SDK1: variants seen among roughly 807,000 people sequenced by gnomAD.
SDK1 encodes the protein protein sidekick-1.
A neutral mutation model predicts 245.5 loss-of-function variants in SDK1; 157 were observed. That is an observed-to-expected ratio of 0.64 (90% CI 0.56 to 0.73). The LOEUF is 0.73. Ranked by LOEUF, SDK1 falls within the 30% of genes least tolerant of loss-of-function variation. The pLI is 0.00. For missense variants in SDK1, 3,583 were observed against 3,002.3 expected, an observed-to-expected ratio of 1.19 and a Z score of -4.52; for synonymous variants, 1,647 against 1,278.5, an observed-to-expected ratio of 1.29 and a Z score of -6.15.
At chr7:4,130,362 C>A in intron 27 of SDK1, 1 of 479,924 alleles carries the variant, frequency 2.1e-6, no homozygotes, top group Non-Finnish European at 3.7e-6. Flanking sequence ...GGAGAGGCAG[C>A]AGAGGCTGGG....
chr7:4,057,056 C>T (rs1285295198), intron 19 of SDK1, among the ~76,000 whole-genome samples: 1 of 152,170 alleles, frequency 6.6e-6, no homozygotes, highest in African/African-American at 2.4e-5. Context: ...ACTTCGCTTC[C>T]AGGCACCCTG....
At chr7:3,397,953 T>G (rs1778766718) in intron 1 of SDK1, among the ~76,000 whole-genome samples, 1 of 152,130 alleles carries the variant, frequency 6.6e-6, no homozygotes, top group Non-Finnish European at 1.5e-5. Context: ...GATTGTGTGT[T>G]TTCTTGCCTT....
rs370758554 is a variant in SDK1 at position 3,558,170 on chromosome 7, AT to A, written c.299-60907del. The stretch of plus-strand genomic sequence containing the variant: ...ATGTTTTTAGCTTACAGAAATGACA[AT>A]TTCATATGACATTTCTTTTCATATG... On this transcript the variant is annotated intron_variant, in intron 1 of 44. Coordinates refer to ENST00000404826, the MANE Select transcript of SDK1 (RefSeq NM_152744.4). Among the ~76,000 whole-genome samples, 45 of 152,322 alleles carry A rather than the reference AT, an allele frequency of 3.0e-4. No homozygotes were observed. The East Asian group carries it at 3.1e-3, about 10-fold the overall frequency.
At chr7:3,699,403 C>CA (rs1192836192) in intron 4 of SDK1, among the ~76,000 whole-genome samples, 1 of 152,092 alleles carries the variant, frequency 6.6e-6, no homozygotes, top group African/African-American at 2.4e-5. Flanking sequence ...GAGGCCATTT[C>CA]ATCAAAGCAA....
rs1782751685 is a variant in SDK1 at position 3,974,530 on chromosome 7, C to T, written c.1979C>T (p.Ala660Val). The change falls in exon 13 of 45, where the codon GCC (alanine) becomes GTC (valine). Residue 660 changes from alanine to valine, a missense_variant. Physicochemically the swap from Ala to Val is moderately conservative, Grantham distance 64 (BLOSUM62 0). Transcript: ENST00000404826. ...GAAGGAGGGAATGACTCCAGGATGG[C>T]CCGGCTGGAAGTGATGTGAGTACTG... The part of the protein sequence containing the change: ...VSEGGNDSRM[A>V]RLEVIELPHS... 1 of 1,614,060 alleles carries T rather than the reference C, an allele frequency of 6.2e-7. No individual in the cohort carries two copies. Among genetic ancestry groups the T allele is most frequent in the South Asian group, 1.1e-5 (1 of 91,054 alleles).
chr7:3,580,778 C>A (rs1458873893), intron 1 of SDK1, among the ~76,000 whole-genome samples: 1 of 151,826 alleles, frequency 6.6e-6, no homozygotes, highest in African/African-American at 2.4e-5. Flanking sequence ...ACGATCCTGG[C>A]TAACACCGTG....
intron 5 of SDK1, among the ~76,000 whole-genome samples, chr7:3,921,630 C>T (rs1583567597): frequency 1.3e-5 from 2 of 152,044 alleles, no homozygotes; most frequent in African/African-American, 4.8e-5. Context: ...TCTAAAGGCG[C>T]CAAGAAGCTG....
chr7:4,181,616 C>T (rs531111619), intron 35 of SDK1, among the ~76,000 whole-genome samples: 28 of 152,314 alleles, frequency 1.8e-4, no homozygotes, highest in Non-Finnish European at 3.1e-4. Context: ...TCCTGCCCCA[C>T]TCCTCCTCAA....
At chr7:3,331,448 G>C (rs1334014405) in intron 1 of SDK1, among the ~76,000 whole-genome samples, 1 of 152,040 alleles carries the variant, frequency 6.6e-6, no homozygotes, top group Non-Finnish European at 1.5e-5. Context: ...TATCTTCTTT[G>C]GGGAAATACA....
At chr7:3,639,831 T>C (rs894808151) in intron 3 of SDK1, among the ~76,000 whole-genome samples, 39 of 151,154 alleles carry the variant, frequency 2.6e-4, no homozygotes, top group African/African-American at 8.8e-4. Context: ...TAATTATATG[T>C]CATATATATG....
chr7:3,625,362 A>G (rs1002142172), intron 2 of SDK1, among the ~76,000 whole-genome samples: 3 of 152,226 alleles, frequency 2.0e-5, no homozygotes, highest in African/African-American at 7.2e-5. Context: ...GTTAAAAGGT[A>G]AGCAACAAAC....
At chr7:3,417,534 C>T (rs781141346) in intron 1 of SDK1, among the ~76,000 whole-genome samples, 14 of 152,124 alleles carry the variant, frequency 9.2e-5, no homozygotes, top group East Asian at 1.9e-4. Context: ...TCTCTGACCC[C>T]GTAGGCTAGG....
At chr7:3,687,409 G>A (rs1399344879) in intron 4 of SDK1, among the ~76,000 whole-genome samples, 1 of 152,120 alleles carries the variant, frequency 6.6e-6, no homozygotes, top group Non-Finnish European at 1.5e-5. Flanking sequence ...TTACAGGCGT[G>A]AGCCACCCCG....
At chr7:4,215,311 C>T (rs954870657) in intron 38 of SDK1, among the ~76,000 whole-genome samples, 1 of 152,212 alleles carries the variant, frequency 6.6e-6, no homozygotes, top group Non-Finnish European at 1.5e-5. Flanking sequence ...GCGGAGGGGC[C>T]TATCTCTCCC....
intron 1 of SDK1, among the ~76,000 whole-genome samples, chr7:3,482,403 C>T (rs557675027): frequency 1.8e-4 from 28 of 152,162 alleles, no homozygotes; most frequent in Middle Eastern, 3.4e-3. Flanking sequence ...CATGGGACTC[C>T]GGAGATAGGC....
intron 43 of SDK1, among the ~76,000 whole-genome samples, chr7:4,242,964 C>T (rs1011905428): frequency 3.2e-4 from 48 of 152,336 alleles, no homozygotes; most frequent in African/African-American, 8.4e-4. Context: ...CAGGCCGCCA[C>T]CCCACGAGGC....
At chr7:3,971,429 G>A in intron 11 of SDK1, 37 bp from the exon 12 acceptor site, 4 of 1,456,748 alleles carry the variant, frequency 2.7e-6, no homozygotes, top group Non-Finnish European at 3.8e-6. Context: ...TGTCAAACTT[G>A]TCATTTCGTC....
At chr7:4,012,867 G>A (rs36122007) in intron 16 of SDK1, among the ~76,000 whole-genome samples, 5 of 152,032 alleles carry the variant, frequency 3.3e-5, no homozygotes, top group African/African-American at 1.2e-4. Context: ...GTGAGGCACT[G>A]CACCTGGCCT....
rs528409211 is a variant in SDK1 at position 4,259,199 on chromosome 7, G to C, written c.6382-5925G>C. On this transcript the variant is annotated intron_variant, in intron 44 of 44. Coordinates refer to ENST00000404826, the MANE Select transcript of SDK1 (RefSeq NM_152744.4). ...CACACCTGTAATCTCGGCACTTTGGGAGGCCGAGGTGGGCAAATCAGCTGA... is the reference window on the plus strand; with the variant it reads ...CACACCTGTAATCTCGGCACTTTGGCAGGCCGAGGTGGGCAAATCAGCTGA... 2.6e-5 allele frequency among the ~76,000 whole-genome samples: 4 copies of C among 152,316 alleles called. No individual in the cohort carries two copies. In the South Asian group the frequency reaches 8.3e-4, roughly 32 times the overall value.
Sources: gnomAD v4.1 joint callset for allele counts (sites outside exome capture counted in the v4.1 genomes callset) on GRCh38, gnomAD v4.1.1 for gene constraint, MANE v1.5 for transcripts, NCBI Gene and HGNC (gene_info 2026-07-23, HGNC 2026-07-21) for gene names.